The following GPC5 variants were observed in gnomAD, a reference collection of about 807,000 sequenced individuals.
GPC5 encodes glypican-5.
A neutral mutation model predicts 53.9 loss-of-function variants in GPC5; 47 were observed. The observed-to-expected ratio is 0.87, with a 90% CI of 0.69 to 1.11. GPC5 has a LOEUF of 1.11. GPC5 is among the 50% of genes most tolerant of loss of function. The pLI, the probability that GPC5 is intolerant of heterozygous loss-of-function variation, is 0.00. For missense variants in GPC5, 748 were observed against 713.1 expected (o/e 1.05, Z -0.56); for synonymous variants, 286 against 263.3 (o/e 1.09, Z -0.84).
At chr13:92,769,404 GT>G (rs573639630) in intron 7 of GPC5, among the ~76,000 whole-genome samples, 80 of 147,660 alleles carry the variant, frequency 5.4e-4, no homozygotes, top group East Asian at 3.2e-3. Context: ...GTCCACCTGT[GT>G]TTTTTTTTTT....
rs552860899 is a variant in GPC5, at chr13:91,755,406, A to G, written c.1155-889A>G. On this transcript the variant is annotated intron_variant, in intron 4 of 7. Transcript: ENST00000377067. The stretch of plus-strand genomic sequence containing the variant: ...GCCCCTTCCTTCTGGTCTAGAGAGC[A>G]TCTCCTATGATCAGCCTAGGGCTTT... Among the ~76,000 whole-genome samples the G allele has an allele frequency of 1.3e-3, 198 of 152,182 alleles. 3 individuals are homozygous for G. In the Middle Eastern group the frequency reaches 0.044, roughly 34 times the overall value.
intron 7 of GPC5, among the ~76,000 whole-genome samples, chr13:92,744,405 G>A (rs1889190968): frequency 6.6e-6 from 1 of 151,714 alleles, no homozygotes; most frequent in Non-Finnish European, 1.5e-5. Context: ...TTGGAACTGA[G>A]GAAAGAGATC....
intron 2 of GPC5, among the ~76,000 whole-genome samples, chr13:91,520,656 A>T (rs187799298): frequency 6.6e-6 from 1 of 151,892 alleles, no homozygotes; most frequent in Non-Finnish European, 1.5e-5. Context: ...ATATATATAT[A>T]TGTGTGGGTA....
intron 7 of GPC5, among the ~76,000 whole-genome samples, chr13:92,461,030 A>G (rs1301402303): frequency 1.3e-5 from 2 of 152,140 alleles, no homozygotes; most frequent in South Asian, 2.1e-4. Context: ...ATAGATGAGT[A>G]AGACTTCCTC....
intron 7 of GPC5, among the ~76,000 whole-genome samples, chr13:92,242,179 G>A (rs986806936): frequency 6.7e-6 from 1 of 148,620 alleles, no homozygotes; most frequent in African/African-American, 2.5e-5. Flanking sequence ...GTTGCAATGA[G>A]CCTAGATTGC....
chr13:91,584,691 G>C (rs2032494478), intron 2 of GPC5, among the ~76,000 whole-genome samples: 1 of 151,792 alleles, frequency 6.6e-6, no homozygotes, highest in South Asian at 2.1e-4. Flanking sequence ...TGATTCTCCT[G>C]TCTCAGCCTC....
chr13:92,607,740 T>A (rs1884300808), intron 7 of GPC5, among the ~76,000 whole-genome samples: 2 of 152,234 alleles, frequency 1.3e-5, no homozygotes, highest in East Asian at 3.8e-4. Context: ...ATTTAATGTA[T>A]GCATTTCATC....
rs147465576 is a variant in GPC5, at chr13:92,112,675, G to A, written c.1402-32155G>A. ...GAGGAAAAATTGGGAAAGAAAGCAGGTGATATGTAGATGTTGATCATAGGA... is the reference window on the plus strand; with the variant it reads ...GAGGAAAAATTGGGAAAGAAAGCAGATGATATGTAGATGTTGATCATAGGA... On this transcript the variant is annotated intron_variant, in intron 6 of 7. Transcript: ENST00000377067. Among the ~76,000 whole-genome samples, 462 of 152,180 alleles carry A rather than the reference G, an allele frequency of 3.0e-3. 1 individual carries two copies. Among genetic ancestry groups the A allele is most frequent in the African/African-American group, 0.011 (441 of 41,544 alleles).
At chr13:91,599,489 A>G (rs772942275) in intron 2 of GPC5, among the ~76,000 whole-genome samples, 5 of 152,162 alleles carry the variant, frequency 3.3e-5, no homozygotes, top group African/African-American at 7.2e-5. Context: ...TTCTGTTTAT[A>G]TAATTCATTC....
At chr13:92,621,602 C>A (rs954722787) in intron 7 of GPC5, among the ~76,000 whole-genome samples, 1 of 152,020 alleles carries the variant, frequency 6.6e-6, no homozygotes, top group African/African-American at 2.4e-5. Context: ...GGGGGATCAC[C>A]TGTGGTCAAG....
At chr13:92,615,193 A>T (rs1328220266) in intron 7 of GPC5, among the ~76,000 whole-genome samples, 1 of 152,236 alleles carries the variant, frequency 6.6e-6, no homozygotes, top group African/African-American at 2.4e-5. Flanking sequence ...CTGTTTTCTC[A>T]TTCAAAGTCC....
intron 7 of GPC5, among the ~76,000 whole-genome samples, chr13:92,545,035 C>T (rs1174672690): frequency 3.3e-5 from 5 of 151,906 alleles, no homozygotes; most frequent in African/African-American, 4.8e-5. Flanking sequence ...CGTCATTTAG[C>T]ATTAGGTATA....
At chr13:91,823,389 C>T (rs1403091472) in intron 5 of GPC5, among the ~76,000 whole-genome samples, 1 of 151,970 alleles carries the variant, frequency 6.6e-6, no homozygotes, top group Non-Finnish European at 1.5e-5. Context: ...TTGTTTGATG[C>T]TCCACAGATG....
chr13:92,216,978 CAAA>C (rs61411051), intron 7 of GPC5, among the ~76,000 whole-genome samples: 20 of 93,634 alleles, frequency 2.1e-4, no homozygotes, highest in Admixed American at 5.6e-4. Context: ...GATCTTGTCT[CAAA>C]AAAAAAAAAA....
intron 1 of GPC5, among the ~76,000 whole-genome samples, chr13:91,421,639 T>C (rs1878642829): frequency 6.6e-6 from 1 of 152,140 alleles, no homozygotes; most frequent in African/African-American, 2.4e-5. Context: ...ATAAAGTTCA[T>C]GGAAGAAAAT....
intron 5 of GPC5, among the ~76,000 whole-genome samples, chr13:91,874,312 C>T (rs190273217): frequency 3.3e-4 from 50 of 152,158 alleles, no homozygotes; most frequent in African/African-American, 1.2e-3. Flanking sequence ...CTTGATTTTA[C>T]ACGGTTGAGG....
chr13:92,474,341 T>C (rs2209827), intron 7 of GPC5, among the ~76,000 whole-genome samples: 97,207 of 151,728 alleles, frequency 0.64, 32,153 homozygotes, highest in East Asian at 0.89. Flanking sequence ...GTAACCTCTA[T>C]GTATATTTAG....
At chr13:92,045,290 T>C (rs937397667) in intron 6 of GPC5, among the ~76,000 whole-genome samples, 28 of 152,234 alleles carry the variant, frequency 1.8e-4, no homozygotes, top group African/African-American at 6.7e-4. Context: ...AATGTGGGTA[T>C]ATAGAAGGAG....
Position 92,543,321 on chromosome 13 carries a change from C to T in GPC5, c.1562-322961C>T, listed in dbSNP as rs1016850278. ...TCTTCAACTCACAATTTGTTTCTCT[C>T]TCTTAAATTTCTCATTCAGATCATG... On this transcript the variant is annotated intron_variant, in intron 7 of 7. Transcript: ENST00000377067. Among the ~76,000 whole-genome samples, 38 of 151,988 alleles carry T rather than the reference C, an allele frequency of 2.5e-4. 1 individual carries two copies. The highest frequency in any genetic ancestry group is 2.4e-3 in the Admixed American group (37 of 15,204).
Sources: allele counts gnomAD v4.1 joint callset (sites outside exome capture counted in the v4.1 genomes callset), GRCh38; gene constraint gnomAD v4.1.1; transcripts MANE v1.5; gene names NCBI Gene and HGNC (gene_info 2026-07-23, HGNC 2026-07-21).